Variants in MGMT observed in about 807,000 individuals in gnomAD.
The protein encoded by MGMT is methylated-DNA--protein-cysteine methyltransferase.
In MGMT, 14 loss-of-function variants were observed where a neutral mutation model predicts 15.9. That is an observed-to-expected ratio of 0.88 (90% CI 0.58 to 1.37). MGMT has a LOEUF of 1.37. MGMT is among the 40% of genes most tolerant of loss of function. MGMT has a pLI of 0.00. For synonymous variants in MGMT, 130 were observed against 118.2 expected, an observed-to-expected ratio of 1.10 and a Z score of -0.65; for missense variants, 282 against 268.1, an observed-to-expected ratio of 1.05 and a Z score of -0.36.
At chr10:129,597,145 G>A (rs1331413995) in intron 2 of MGMT, among the ~76,000 whole-genome samples, 2 of 152,168 alleles carry the variant, frequency 1.3e-5, no homozygotes, top group Non-Finnish European at 2.9e-5. Context: ...GAGAGGGTAC[G>A]TCCAGTGTTG....
rs78544456 is a variant in MGMT at position 129,719,876 on chromosome 10, G to A, written c.274+11833G>A. Reference sequence around the variant, plus strand: ...TAAAATGTCATGAGGGTAAAATGAGGCCACCAAACAGTCAGCAAAAGAAAT... The same window carrying A: ...TAAAATGTCATGAGGGTAAAATGAGACCACCAAACAGTCAGCAAAAGAAAT... On this transcript the variant is annotated intron_variant, in intron 3 of 4. Transcript: ENST00000651593. Among the ~76,000 whole-genome samples, 152 of 152,280 alleles carry A rather than the reference G, an allele frequency of 1.0e-3. No individual in the cohort carries two copies. In the East Asian group the frequency reaches 0.02, roughly 20 times the overall value.
intron 1 of MGMT, among the ~76,000 whole-genome samples, chr10:129,529,451 C>T (rs1845906585): frequency 6.6e-6 from 1 of 152,154 alleles, no homozygotes; most frequent in Admixed American, 6.5e-5. Flanking sequence ...GCTTCACACT[C>T]CTATGAGAAT....
chr10:129,495,877 C>A (rs1265459167), intron 1 of MGMT, among the ~76,000 whole-genome samples: 1 of 152,172 alleles, frequency 6.6e-6, no homozygotes, highest in Non-Finnish European at 1.5e-5. Flanking sequence ...TAATGACATT[C>A]CCAGAGCATT....
chr10:129,743,633 A>C (rs976253722), intron 3 of MGMT, among the ~76,000 whole-genome samples: 1 of 152,104 alleles, frequency 6.6e-6, no homozygotes, highest in Non-Finnish European at 1.5e-5. Context: ...GGTTGGGTGC[A>C]CTCCTGGACC....
chr10:129,745,820 C>T (rs61876573), intron 3 of MGMT, among the ~76,000 whole-genome samples: 17,587 of 152,066 alleles, frequency 0.12, 1,082 homozygotes, highest in Middle Eastern at 0.17. Context: ...TGTTGAGTTT[C>T]AGTTTGGAAC....
chr10:129,539,439 C>G lies in MGMT; in HGVS notation c.125+3062C>G, dbSNP rs1846020986. ...CCTGTTTTGCTCTGTTTGGTTCAGC[C>G]TACCTTTGCCTGTTCTATGCCCGTT... On this transcript the variant is annotated intron_variant, in intron 2 of 4. Coordinates refer to ENST00000651593, the MANE Select transcript of MGMT (RefSeq NM_002412.5). Among the ~76,000 whole-genome samples, 3 of 152,294 alleles carry G rather than the reference C, an allele frequency of 2.0e-5. No homozygotes were observed. In the South Asian group the frequency reaches 6.2e-4, roughly 32 times the overall value.
intron 2 of MGMT, among the ~76,000 whole-genome samples, chr10:129,674,492 C>A (rs1260765024): frequency 1.3e-5 from 2 of 152,194 alleles, no homozygotes; most frequent in African/African-American, 4.8e-5. Context: ...CCTTCCTGAC[C>A]TCTTAATGGC....
At chr10:129,552,669 C>T (rs971593914) in intron 2 of MGMT, among the ~76,000 whole-genome samples, 16 of 152,310 alleles carry the variant, frequency 1.1e-4, no homozygotes, top group African/African-American at 3.8e-4. Flanking sequence ...GAAAGACTGC[C>T]TTGCCCGAGT....
intron 3 of MGMT, among the ~76,000 whole-genome samples, chr10:129,732,330 G>A (rs10764902): frequency 0.66 from 83,005 of 124,964 alleles, 26,032 homozygotes; most frequent in Middle Eastern, 0.8. Flanking sequence ...ACAGGCCCCA[G>A]TGTGTGATGT....
At chr10:129,477,190 C>G (rs986121192) in intron 1 of MGMT, among the ~76,000 whole-genome samples, 6 of 152,212 alleles carry the variant, frequency 3.9e-5, no homozygotes, top group African/African-American at 1.2e-4. Flanking sequence ...GCTGCCCTCT[C>G]TCTCAATCTT....
chr10:129,526,501 G>A lies in MGMT; in HGVS notation c.-12-9740G>A, dbSNP rs117613025. On this transcript the variant is annotated intron_variant, in intron 1 of 4. Coordinates refer to ENST00000651593, the MANE Select transcript of MGMT (RefSeq NM_002412.5). ...TTGTTTGTAAACAGCTTACAAGGAG[G>A]CTGGTGATTTCTCCCTTTTAACATG... Among the ~76,000 whole-genome samples, 690 of 152,258 alleles carry A rather than the reference G, an allele frequency of 4.5e-3. 5 individuals are homozygous for A. Among genetic ancestry groups the A allele is most frequent in the Admixed American group, 8.0e-3 (123 of 15,298 alleles).
chr10:129,547,697 G>T (rs892933563), intron 2 of MGMT, among the ~76,000 whole-genome samples: 3 of 152,176 alleles, frequency 2.0e-5, no homozygotes, highest in African/African-American at 2.4e-5. Context: ...TCCTTGGTTG[G>T]CTGGGGCAGG....
intron 3 of MGMT, among the ~76,000 whole-genome samples, chr10:129,742,863 C>T (rs1160110912): frequency 6.6e-6 from 1 of 151,692 alleles, no homozygotes; most frequent in Non-Finnish European, 1.5e-5. Context: ...ACTGCAGTGG[C>T]CCATGCTCAG....
intron 1 of MGMT, among the ~76,000 whole-genome samples, chr10:129,534,885 G>A (rs552342252): frequency 2.0e-5 from 3 of 152,254 alleles, no homozygotes; most frequent in Admixed American, 6.5e-5. Flanking sequence ...CTTTTCTGTA[G>A]AGGGCCAGAG....
chr10:129,591,124 C>G (rs78022352), intron 2 of MGMT, among the ~76,000 whole-genome samples: 5,563 of 152,240 alleles, frequency 0.037, 140 homozygotes, highest in South Asian at 0.065. Flanking sequence ...CGTGGTCAGG[C>G]TTGAGGGTGG....
At chr10:129,635,167 C>G (rs1847251432) in intron 2 of MGMT, among the ~76,000 whole-genome samples, 1 of 152,236 alleles carries the variant, frequency 6.6e-6, no homozygotes, top group South Asian at 2.1e-4. Flanking sequence ...ACCACCCTGT[C>G]ATCCTCACAG....
intron 2 of MGMT, among the ~76,000 whole-genome samples, chr10:129,638,446 G>A (rs11452376): frequency 0.29 from 26,948 of 91,426 alleles, 2,919 homozygotes; most frequent in Non-Finnish European, 0.33. Flanking sequence ...AAAAAAAAAA[G>A]AAAAAAAAAA....
intron 3 of MGMT, among the ~76,000 whole-genome samples, chr10:129,724,450 A>G (rs756114774): frequency 1.3e-4 from 20 of 152,240 alleles, no homozygotes; most frequent in Admixed American, 2.0e-4. Flanking sequence ...GCCATGGTCT[A>G]TATCTTAACA....
rs1365009251 is a variant in MGMT at position 129,556,387 on chromosome 10, C to CA, written c.125+20011dup. 1.3e-5 allele frequency among the ~76,000 whole-genome samples: 2 copies of CA among 152,154 alleles called. No homozygotes were observed. Among genetic ancestry groups the CA allele is most frequent in the Non-Finnish European group, 2.9e-5 (2 of 68,028 alleles). On this transcript the variant is annotated intron_variant, in intron 2 of 4. Coordinates refer to ENST00000651593, the MANE Select transcript of MGMT (RefSeq NM_002412.5). This position sits in a 1 kb window ranked among gnomAD's most constrained non-coding sequence, Gnocchi z 4.3. Reference sequence around the variant, plus strand: ...TGAGATGGAGGTTGTGGCACAGACACACGGAGGGATGGCCACGTGAGGACC... The same window carrying CA: ...TGAGATGGAGGTTGTGGCACAGACACAACGGAGGGATGGCCACGTGAGGACC...
Sources: allele counts gnomAD v4.1 joint callset (sites outside exome capture counted in the v4.1 genomes callset), GRCh38; gene constraint gnomAD v4.1.1; non-coding constraint Gnocchi (gnomAD v3.1); transcripts MANE v1.5; gene names NCBI Gene and HGNC (gene_info 2026-07-23, HGNC 2026-07-21).